The following GPR107 variants were observed in gnomAD, a reference collection of about 807,000 sequenced individuals.
GPR107 encodes G protein-coupled receptor 107.
Under a neutral mutation model 75.5 loss-of-function variants are expected in GPR107, and 31 were observed. The ratio of observed to expected loss-of-function variants is 0.41; its 90% CI spans 0.31 to 0.55. The LOEUF (loss-of-function observed/expected upper bound fraction) is 0.55, where lower values mean the gene tolerates loss of function less well. GPR107 is among the 20% of genes least tolerant of loss of function. The pLI, the probability that GPR107 is intolerant of heterozygous loss-of-function variation, is 0.26. For synonymous variants in GPR107, 267 were observed against 251.3 expected, an observed-to-expected ratio of 1.06 and a Z score of -0.59; for missense variants, 572 against 665.7, an observed-to-expected ratio of 0.86 and a Z score of 1.55.
intron 17 of GPR107, among the ~76,000 whole-genome samples, chr9:130,131,471 C>T (rs1250962354): frequency 6.6e-6 from 1 of 152,110 alleles, no homozygotes; most frequent in African/African-American, 2.4e-5. Flanking sequence ...CTGCCTGTGA[C>T]AACCTCCTGC....
At chr9:130,128,881 T>G in intron 17 of GPR107, 120 bp downstream of exon 17, 1 of 901,672 alleles carries the variant, frequency 1.1e-6, no homozygotes. Flanking sequence ...GTTCCTCTAT[T>G]TTTAGCAGAA....
chr9:130,125,113 T>TTTC (rs1554898158), intron 15 of GPR107, 149 bp downstream of exon 15: 30 of 509,736 alleles, frequency 5.9e-5, no homozygotes, highest in Non-Finnish European at 8.4e-5. Flanking sequence ...TTTTTTTTTT[T>TTTC]CTGGAGACGA....
intron 17 of GPR107, among the ~76,000 whole-genome samples, chr9:130,131,983 G>T (rs1411862322): frequency 6.6e-6 from 1 of 152,154 alleles, no homozygotes; most frequent in South Asian, 2.1e-4. Flanking sequence ...CCGGGCTCAG[G>T]CAATCCTTTC....
chr9:130,069,911 G>A (rs548935014), intron 1 of GPR107, among the ~76,000 whole-genome samples: 61 of 149,350 alleles, frequency 4.1e-4, no homozygotes, highest in African/African-American at 1.5e-3. Context: ...GTCTCAAACT[G>A]ACCTAAGGGT....
At chr9:130,090,363 T>C (rs1830704393) in intron 7 of GPR107, among the ~76,000 whole-genome samples, 1 of 152,202 alleles carries the variant, frequency 6.6e-6, no homozygotes, top group African/African-American at 2.4e-5. Flanking sequence ...TGAGGAAATA[T>C]TGATTGGTTT....
chr9:130,111,011 C>CT (rs976036231), intron 14 of GPR107, among the ~76,000 whole-genome samples: 2 of 151,886 alleles, frequency 1.3e-5, no homozygotes, highest in South Asian at 2.1e-4. Flanking sequence ...TTGGGCTTTT[C>CT]TTTTTTTTAA....
chr9:130,096,513 G>A (rs1320374583), intron 9 of GPR107, among the ~76,000 whole-genome samples: 1 of 132,992 alleles, frequency 7.5e-6, no homozygotes, highest in African/African-American at 2.9e-5. Flanking sequence ...CTGTGCCCCA[G>A]GCTGGAGTGC....
At chr9:130,117,637 G>A (rs774789511) in intron 14 of GPR107, among the ~76,000 whole-genome samples, 32 of 152,180 alleles carry the variant, frequency 2.1e-4, no homozygotes, top group South Asian at 6.2e-4. Flanking sequence ...GAGACTCAGC[G>A]TAAGTCAGAG....
At chr9:130,064,465 G>T (rs536533248) in intron 1 of GPR107, among the ~76,000 whole-genome samples, 97 of 152,112 alleles carry the variant, frequency 6.4e-4, no homozygotes, top group African/African-American at 2.3e-3. Flanking sequence ...CTCCCAAAGT[G>T]CTGGGATTAC....
rs1830442913 is a variant in GPR107 at position 130,079,568 on chromosome 9, G to A, written c.387-62G>A. 2.1e-6 allele frequency: 3 copies of A among 1,436,786 alleles called. No homozygotes were observed. The South Asian group carries it at 3.6e-5, about 17-fold the overall frequency. 89.0% of individuals were successfully genotyped at this position (1,436,786 alleles called of 1,614,324 possible). A position where few individuals can be genotyped will look rare whatever the true frequency, so the allele number is the denominator to read the frequency against. On this transcript the variant is annotated intron_variant, in intron 4 of 17. Coordinates refer to ENST00000347136, the MANE Select transcript of GPR107 (RefSeq NM_020960.5). ...GAGCTTGGCACAGGGCCTACACGCA[G>A]CGTGCTCAGTGGCCAGGAGCACTGC... is the stretch of plus-strand genomic sequence containing the variant.
intron 13 of GPR107, among the ~76,000 whole-genome samples, chr9:130,106,667 TTG>T (rs1425510292): frequency 1.3e-5 from 2 of 152,008 alleles, no homozygotes; most frequent in Non-Finnish European, 2.9e-5. Flanking sequence ...TCAGCCAGCA[TTG>T]CTTCAGGGCC....
chr9:130,098,349 A>G (rs1445689213), intron 9 of GPR107, among the ~76,000 whole-genome samples: 1 of 152,196 alleles, frequency 6.6e-6, no homozygotes, highest in Admixed American at 6.5e-5. Flanking sequence ...GACACCAGCC[A>G]TGAAGGAGAG....
chr9:130,083,349 A>G (rs55948650), intron 5 of GPR107: 6,632 of 363,680 alleles, frequency 0.018, 100 homozygotes, highest in Non-Finnish European at 0.025. Context: ...ATTACCGGTT[A>G]CTAGATACCA....
At chr9:130,054,431 G>A (rs2132520261) in intron 1 of GPR107, among the ~76,000 whole-genome samples, 1 of 152,272 alleles carries the variant, frequency 6.6e-6, no homozygotes, top group Non-Finnish European at 1.5e-5. Context: ...CTTTTATGCT[G>A]GCTTTCCTTG....
At chr9:130,131,738 C>T (rs782022522) in intron 17 of GPR107, among the ~76,000 whole-genome samples, 5 of 152,166 alleles carry the variant, frequency 3.3e-5, no homozygotes, top group South Asian at 2.1e-4. Flanking sequence ...GGCTGAACCA[C>T]GTCCCTCTTC....
chr9:130,063,770 T>C (rs534932006), intron 1 of GPR107, among the ~76,000 whole-genome samples: 1 of 151,782 alleles, frequency 6.6e-6, no homozygotes, highest in Non-Finnish European at 1.5e-5. Flanking sequence ...TGCTTCCCTT[T>C]ACTACTACTG....
rs1564691023 is a variant in GPR107 at position 130,137,834 on chromosome 9, GA to G, written c.*2714del. 6.6e-6 allele frequency: 1 copy of G among 152,218 alleles called. No homozygotes were observed. The allele number at this position is 152,218 out of a possible 1,614,324, so 9.4% of individuals were successfully genotyped here. Reference sequence around the variant, plus strand: ...ATGGTTAAGCCCTTGCAGTATTTCAGATCGGGCAAAAAATATCGGATGCACA... The same window carrying G: ...ATGGTTAAGCCCTTGCAGTATTTCAGTCGGGCAAAAAATATCGGATGCACA... On this transcript the variant is annotated 3_prime_UTR_variant, in exon 18 of 18. Coordinates refer to ENST00000347136, the MANE Select transcript of GPR107 (RefSeq NM_020960.5).
Position 130,110,079 on chromosome 9 carries a change from C to T in GPR107, c.1306+2540C>T, listed in dbSNP as rs771698870. Among the ~76,000 whole-genome samples the T allele has an allele frequency of 6.7e-4, 102 of 152,254 alleles. No homozygotes were observed. Among genetic ancestry groups the T allele is most frequent in the Admixed American group, 1.4e-3 (21 of 15,282 alleles). The stretch of plus-strand genomic sequence containing the variant: ...ATTCCTCCCTTCTTTGCGTCCTCCC[C>T]GGCCCCTGCTTCGTCCTCCTGACTC... On this transcript the variant is annotated intron_variant, in intron 14 of 17. Coordinates refer to ENST00000347136, the MANE Select transcript of GPR107 (RefSeq NM_020960.5).
intron 17 of GPR107, among the ~76,000 whole-genome samples, chr9:130,132,296 T>C (rs1831846487): frequency 1.3e-5 from 2 of 152,162 alleles, no homozygotes; most frequent in Non-Finnish European, 1.5e-5. Context: ...TTCTCACCCC[T>C]TGGGCTCAGG....
Sources: gnomAD v4.1 joint callset for allele counts (sites outside exome capture counted in the v4.1 genomes callset) on GRCh38, gnomAD v4.1.1 for gene constraint, MANE v1.5 for transcripts, NCBI Gene and HGNC (gene_info 2026-07-23, HGNC 2026-07-21) for gene names.